The following NOTCH2 variants were observed in gnomAD, a reference collection of about 807,000 sequenced individuals.
The protein encoded by NOTCH2 is notch receptor 2.
In NOTCH2, 29 loss-of-function variants were observed where a neutral mutation model predicts 235.8. The ratio of observed to expected loss-of-function variants is 0.12; its 90% CI spans 0.09 to 0.17. The LOEUF is 0.17. Among genes scored for constraint, NOTCH2 ranks in the 10% least tolerant of loss-of-function variants. The probability of loss-of-function intolerance (pLI) is 1.00; values close to 1 mark genes in which losing one functional copy is unlikely to be tolerated. For synonymous variants in NOTCH2, 1,086 were observed against 1,141.5 expected, an observed-to-expected ratio of 0.95 and a Z score of 0.98; for missense variants, 2,285 against 3,150.2, an observed-to-expected ratio of 0.73 and a Z score of 6.57.
chr1:119,977,220 A>G (rs587616490), intron 5 of NOTCH2, among the ~76,000 whole-genome samples: 1 of 152,218 alleles, frequency 6.6e-6, no homozygotes, highest in East Asian at 1.9e-4. Context: ...AATAATAATT[A>G]TCTTTCAACT....
intron 1 of NOTCH2, among the ~76,000 whole-genome samples, chr1:120,063,537 A>G: frequency 6.6e-6 from 1 of 152,336 alleles, no homozygotes; most frequent in East Asian, 1.9e-4. Flanking sequence ...GATTTCGCAA[A>G]TTTCTTTTAA....
At chr1:120,045,902 T>C (rs1433275556) in intron 1 of NOTCH2, among the ~76,000 whole-genome samples, 2 of 152,282 alleles carry the variant, frequency 1.3e-5, no homozygotes, top group Non-Finnish European at 2.9e-5. Context: ...TGTAAGACCA[T>C]CCACTGGGGC....
chr1:119,935,184 G>A, intron 22 of NOTCH2: 7 of 1,271,134 alleles, frequency 5.5e-6, no homozygotes, highest in East Asian at 3.4e-5. Flanking sequence ...TTACTGACCA[G>A]GCTAATTTTT....
intron 6 of NOTCH2, among the ~76,000 whole-genome samples, chr1:119,968,703 A>AT (rs1266844158): frequency 6.6e-6 from 1 of 152,202 alleles, no homozygotes; most frequent in Non-Finnish European, 1.5e-5. Context: ...CCTGAACACC[A>AT]TCAGCCTCTA....
chr1:119,946,903 T>C (rs1650274243), intron 17 of NOTCH2, among the ~76,000 whole-genome samples: 1 of 152,138 alleles, frequency 6.6e-6, no homozygotes, highest in African/African-American at 2.4e-5. Context: ...ATTGTATCTG[T>C]AGAAAATCCT....
At chr1:119,978,119 G>T (rs782768780) in intron 5 of NOTCH2, among the ~76,000 whole-genome samples, 7 of 152,144 alleles carry the variant, frequency 4.6e-5, no homozygotes, top group Non-Finnish European at 1.0e-4. Flanking sequence ...CCTGGGAGGA[G>T]CGTGCCAGGT....
intron 2 of NOTCH2, among the ~76,000 whole-genome samples, chr1:120,025,966 C>G (rs1243507429): frequency 2.9e-5 from 4 of 138,042 alleles, no homozygotes; most frequent in African/African-American, 1.2e-4. Context: ...AATAAAATAT[C>G]TTATCTCCCT....
intron 14 of NOTCH2, among the ~76,000 whole-genome samples, chr1:119,952,915 A>G (rs587727669): frequency 1.3e-5 from 2 of 152,342 alleles, no homozygotes; most frequent in South Asian, 4.1e-4. Context: ...CTACTTCCAT[A>G]TATCTATTTG....
At chr1:119,920,855 T>A (rs587601132) in intron 29 of NOTCH2, among the ~76,000 whole-genome samples, 8 of 152,340 alleles carry the variant, frequency 5.3e-5, no homozygotes, top group African/African-American at 1.9e-4. Flanking sequence ...GTTGTTTCCT[T>A]GTACTCAACA....
chr1:119,917,003 G>C lies in NOTCH2; in HGVS notation c.6028-309C>G, dbSNP rs587620601. Among the ~76,000 whole-genome samples, 7 of 152,320 alleles carry C rather than the reference G, an allele frequency of 4.6e-5. No individual in the cohort carries two copies. In the East Asian group the frequency reaches 1.3e-3, roughly 29 times the overall value. ...CCCTGAGCCAGAGACTCACTTAAAA[G>C]AGTACTGAGCTTATCAAAATAAGGT... On this transcript the variant is annotated intron_variant, in intron 33 of 33. Coordinates refer to ENST00000256646, the MANE Select transcript of NOTCH2 (RefSeq NM_024408.4).
At chr1:119,935,074 G>C (rs1224253903) in intron 22 of NOTCH2, 1 of 974,994 alleles carries the variant, frequency 1.0e-6, no homozygotes, top group African/African-American at 1.8e-5. Context: ...CCACCTTATA[G>C]AGGTAAGACT....
intron 19 of NOTCH2, among the ~76,000 whole-genome samples, chr1:119,938,881 C>T (rs1475547061): frequency 3.9e-5 from 6 of 152,236 alleles, no homozygotes; most frequent in East Asian, 1.9e-4. Flanking sequence ...GGGGTTTCAC[C>T]GTGTTAGCCA....
chr1:119,925,875 G>A (rs1465444414), intron 24 of NOTCH2, 65 bp from the exon 25 acceptor site: 23 of 1,587,824 alleles, frequency 1.4e-5, no homozygotes, highest in Non-Finnish European at 1.9e-5. Context: ...GGAAGTTTGA[G>A]GTTTCTAGAA....
intron 5 of NOTCH2, among the ~76,000 whole-genome samples, chr1:119,977,654 G>A (rs1188388581): frequency 3.3e-5 from 5 of 152,112 alleles, no homozygotes; most frequent in African/African-American, 7.2e-5. Context: ...GGTTCCAGAT[G>A]ATATGTGCTT....
intron 2 of NOTCH2, among the ~76,000 whole-genome samples, chr1:120,023,102 T>C (rs1176604439): frequency 6.6e-6 from 1 of 151,828 alleles, no homozygotes; most frequent in Non-Finnish European, 1.5e-5. Context: ...CAATTGTTAA[T>C]AGGAATCAGG....
chr1:120,015,074 A>G (rs1289274730), intron 2 of NOTCH2, among the ~76,000 whole-genome samples: 7 of 151,526 alleles, frequency 4.6e-5, no homozygotes, highest in African/African-American at 2.4e-5. Context: ...CCCACCACAT[A>G]CAAGAAGAAA....
Position 119,915,610 on chromosome 1 carries a change from G to A in NOTCH2, c.7112C>T (p.Pro2371Leu), listed in dbSNP as rs1166857688. The change falls in exon 34 of 34, where the codon CCA becomes CTA. Residue 2371 changes from proline to leucine, a missense_variant. Around this residue, in one of 6 missense-constraint regions of NOTCH2, gnomAD observed 504 missense variants for 538.0 expected, o/e 0.94. Coordinates refer to ENST00000256646, the MANE Select transcript of NOTCH2 (RefSeq NM_024408.4). ...QDGQVAQTIL[P>L]AYHPFPASVG... ...AGAGGCTGGGAAAGGATGATAGGCT[G>A]GGAGAATGGTCTGAGCTACCTGCCC... 1 of 1,613,904 alleles carries A rather than the reference G, an allele frequency of 6.2e-7. No homozygotes were observed. Among genetic ancestry groups the A allele is most frequent in the Non-Finnish European group, 8.5e-7 (1 of 1,180,050 alleles).
At chr1:119,939,861 G>A (rs868948141) in intron 19 of NOTCH2, among the ~76,000 whole-genome samples, 3 of 151,488 alleles carry the variant, frequency 2.0e-5, no homozygotes, top group Non-Finnish European at 4.4e-5. Flanking sequence ...ACTTAAGTGC[G>A]CCCTGTAAGT....
chr1:119,954,654 A>G (rs1650612027), intron 13 of NOTCH2, among the ~76,000 whole-genome samples: 1 of 152,236 alleles, frequency 6.6e-6, no homozygotes, highest in East Asian at 1.9e-4. Context: ...GCACTGTGAC[A>G]GAACAGAGCT....
Sources: allele counts gnomAD v4.1 joint callset (sites outside exome capture counted in the v4.1 genomes callset), GRCh38; gene constraint gnomAD v4.1.1; regional missense constraint gnomAD v4.1.1; transcripts MANE v1.5; gene names NCBI Gene and HGNC (gene_info 2026-07-23, HGNC 2026-07-21).